Variants in CHIC2 observed in about 807,000 individuals in gnomAD.
CHIC2 encodes cysteine rich hydrophobic domain 2.
Under a neutral mutation model 25.9 loss-of-function variants are expected in CHIC2, and 14 were observed. The observed-to-expected ratio is 0.54, with a 90% CI of 0.36 to 0.85. CHIC2 has a LOEUF of 0.85. Among genes scored for constraint, CHIC2 ranks in the 40% least tolerant of loss-of-function variants. The pLI is 0.01. For synonymous variants in CHIC2, 70 were observed against 72.0 expected (o/e 0.97, Z 0.14); for missense variants, 146 against 202.0 (o/e 0.72, Z 1.68).
chr4:54,087,114 ACTTCTTAG>A, the CHIC2 span: 2 of 898,108 alleles, frequency 2.2e-6, no homozygotes, highest in Non-Finnish European at 3.7e-6. Flanking sequence ...TCTGCAGAGA[ACTTCTTAG>A]CTTCAGGATC....
the CHIC2 span, among the ~76,000 whole-genome samples, chr4:54,070,330 A>T: frequency 1.8e-4 from 27 of 152,376 alleles, no homozygotes; most frequent in Non-Finnish European, 2.2e-4. Flanking sequence ...CCAAAAGTAA[A>T]GGAGCGGAGG....
intron 3 of CHIC2, among the ~76,000 whole-genome samples, chr4:54,015,366 T>C (rs1242347881): frequency 6.6e-6 from 1 of 152,136 alleles, no homozygotes; most frequent in Non-Finnish European, 1.5e-5. Flanking sequence ...AAAAGTGCCC[T>C]TGTTAACAAT....
the CHIC2 span, among the ~76,000 whole-genome samples, chr4:54,085,165 G>A: frequency 6.6e-6 from 1 of 152,024 alleles, no homozygotes; most frequent in Non-Finnish European, 1.5e-5. Flanking sequence ...AAATATGAAT[G>A]TCCTTAAGGA....
chr4:54,043,873 G>A lies in CHIC2; in HGVS notation c.330+5082C>T, dbSNP rs542184732. Among the ~76,000 whole-genome samples the A allele has an allele frequency of 5.3e-5, 8 of 152,314 alleles. No individual in the cohort carries two copies. In the East Asian group the frequency reaches 1.5e-3, roughly 29 times the overall value. On this transcript the variant is annotated intron_variant, in intron 3 of 5. Coordinates refer to ENST00000263921, the MANE Select transcript of CHIC2 (RefSeq NM_012110.4). Reference sequence around the variant, plus strand: ...CACAGACTGGCAAACTGGATGAAGAGTCAAGACCCATCAGTGTGCTGTATT... The same window carrying A: ...CACAGACTGGCAAACTGGATGAAGAATCAAGACCCATCAGTGTGCTGTATT...
intron 1 of CHIC2, 28 bp from the exon 2 acceptor site, chr4:54,049,333 T>C (rs1716933934): frequency 4.8e-6 from 7 of 1,450,436 alleles, no homozygotes; most frequent in Non-Finnish European, 4.8e-6. Context: ...AAGAATATGT[T>C]ATTACATGTT....
intron 3 of CHIC2, among the ~76,000 whole-genome samples, chr4:54,042,359 A>G (rs1197548571): frequency 6.6e-6 from 1 of 152,218 alleles, no homozygotes; most frequent in Non-Finnish European, 1.5e-5. Flanking sequence ...TCAATCTTAC[A>G]TCTCACATAA....
At chr4:54,067,445 G>A (rs952665013), upstream of CHIC2, among the ~76,000 whole-genome samples, 7 of 152,024 alleles carry the variant, frequency 4.6e-5, no homozygotes, top group African/African-American at 1.2e-4. Context: ...AGTTGACATC[G>A]TAATTCCAAC....
chr4:54,035,741 CCTT>C (rs368546655), intron 3 of CHIC2, among the ~76,000 whole-genome samples: 147 of 152,166 alleles, frequency 9.7e-4, no homozygotes, highest in Admixed American at 5.4e-3. Flanking sequence ...TTTTCCCCCT[CCTT>C]ACTTTGGATT....
At chr4:54,066,571 T>C (rs73252929), upstream of CHIC2, among the ~76,000 whole-genome samples, 3 of 152,250 alleles carry the variant, frequency 2.0e-5, no homozygotes, top group Non-Finnish European at 4.4e-5. Flanking sequence ...ATGTGACGAT[T>C]TAAGATTTAA....
chr4:54,044,207 C>T (rs1379482302), intron 3 of CHIC2, among the ~76,000 whole-genome samples: 2 of 152,142 alleles, frequency 1.3e-5, no homozygotes, highest in Admixed American at 1.3e-4. Context: ...TAATGGGAGA[C>T]TTTAACACCC....
At chr4:54,013,989 T>TC in intron 4 of CHIC2, 74 bp downstream of exon 4, 1 of 1,598,772 alleles carries the variant, frequency 6.3e-7, no homozygotes. Context: ...TATTTTTAGT[T>TC]CAACAAAAGC....
intron 1 of CHIC2, among the ~76,000 whole-genome samples, chr4:54,052,310 C>G (rs952882469): frequency 6.6e-6 from 1 of 152,048 alleles, no homozygotes; most frequent in Non-Finnish European, 1.5e-5. Context: ...TACCTTAGTT[C>G]TGGCTTCTTT....
chr4:54,089,392 C>CATATATATATATATATATATAT, the CHIC2 span, among the ~76,000 whole-genome samples: 84 of 145,180 alleles, frequency 5.8e-4, no homozygotes, highest in African/African-American at 1.8e-3. Context: ...CACCACATTC[C>CATATATATATATATATATATAT]ATATATATAT....
At chr4:54,088,203 A>T in the CHIC2 span, among the ~76,000 whole-genome samples, 2 of 152,088 alleles carry the variant, frequency 1.3e-5, no homozygotes, top group African/African-American at 4.8e-5. Context: ...TTTTTTAATG[A>T]TGCTTGAAGT....
chr4:54,061,021 G>A (rs1412704020), intron 1 of CHIC2: 2 of 151,852 alleles, frequency 1.3e-5, no homozygotes, highest in Admixed American at 1.3e-4. Context: ...AACAATGAAG[G>A]GAAATATTAT....
upstream of CHIC2, among the ~76,000 whole-genome samples, chr4:54,068,140 T>C (rs1717555165): frequency 6.6e-6 from 1 of 152,032 alleles, no homozygotes. Context: ...AAGAGAACTC[T>C]CACCAGGAAC....
upstream of CHIC2, chr4:54,064,667 G>C (rs1383216892): frequency 5.8e-6 from 6 of 1,037,580 alleles, no homozygotes; most frequent in African/African-American, 3.4e-5. The surrounding 1 kb of genome is among the most constrained non-coding windows in gnomAD (Gnocchi z 4.2). Flanking sequence ...GAGACTTCCC[G>C]GGCCAACGGG....
At chr4:54,063,986 G>A (rs1429315147) in intron 1 of CHIC2, among the ~76,000 whole-genome samples, 196 bp downstream of exon 1, 2 of 152,228 alleles carry the variant, frequency 1.3e-5, no homozygotes, top group African/African-American at 4.8e-5. Context: ...AGGGGTGTGT[G>A]GAGGAGGAAG....
Position 54,039,708 on chromosome 4 carries a change from C to T in CHIC2, c.330+9247G>A, listed in dbSNP as rs999123651. 4.6e-5 allele frequency among the ~76,000 whole-genome samples: 7 copies of T among 152,214 alleles called. No individual in the cohort carries two copies. In the South Asian group the frequency reaches 6.2e-4, roughly 14 times the overall value. ...TACCATATAACCCGGCAATCCCCTT[C>T]CTAAAAATGAAAACTTGTGTTCACA... is the stretch of plus-strand genomic sequence containing the variant. On this transcript the variant is annotated intron_variant, in intron 3 of 5. Transcript: ENST00000263921.
Sources: gnomAD v4.1 joint callset for allele counts (sites outside exome capture counted in the v4.1 genomes callset) on GRCh38, gnomAD v4.1.1 for gene constraint, Gnocchi (gnomAD v3.1) non-coding constraint, MANE v1.5 for transcripts, NCBI Gene and HGNC (gene_info 2026-07-23, HGNC 2026-07-21) for gene names.